SP4: variants seen among roughly 807,000 people sequenced by gnomAD.
SP4 encodes the protein transcription factor Sp4.
Under a neutral mutation model 72.8 loss-of-function variants are expected in SP4, and 19 were observed. That is an observed-to-expected ratio of 0.26 (90% CI 0.18 to 0.38). The LOEUF (loss-of-function observed/expected upper bound fraction) is 0.38. SP4 is among the 10% of genes least tolerant of loss of function. SP4 has a pLI of 1.00. For synonymous variants in SP4, 395 were observed against 333.1 expected (o/e 1.19, Z -2.02); for missense variants, 1,008 against 926.3 (o/e 1.09, Z -1.14).
At chr7:21,478,753 C>T (rs1261522550) in intron 4 of SP4, among the ~76,000 whole-genome samples, 3 of 152,028 alleles carry the variant, frequency 2.0e-5, no homozygotes, top group Non-Finnish European at 4.4e-5. Flanking sequence ...ATACAAATTC[C>T]TTATCAGATA....
At chr7:21,435,506 A>G (rs1261922252) in intron 3 of SP4, among the ~76,000 whole-genome samples, 1 of 152,166 alleles carries the variant, frequency 6.6e-6, no homozygotes, top group Non-Finnish European at 1.5e-5. Flanking sequence ...AAAGGTGGAA[A>G]ATTGGCTTGA....
At chr7:21,510,366 A>G (rs983960776) in intron 5 of SP4, among the ~76,000 whole-genome samples, 9 of 146,824 alleles carry the variant, frequency 6.1e-5, no homozygotes, top group African/African-American at 2.5e-4. Context: ...GTTTTTAGTT[A>G]ACATTAAACT....
chr7:21,504,054 C>T (rs914841462), intron 5 of SP4, among the ~76,000 whole-genome samples: 2 of 152,160 alleles, frequency 1.3e-5, no homozygotes, highest in African/African-American at 4.8e-5. Flanking sequence ...TAAACTGGGG[C>T]CTTAATACTA....
intron 5 of SP4, among the ~76,000 whole-genome samples, chr7:21,497,220 G>T (rs538055012): frequency 2.2e-4 from 33 of 152,212 alleles, no homozygotes; most frequent in Admixed American, 3.3e-4. Flanking sequence ...TTTATAAGTG[G>T]AGTCTTCAGG....
chr7:21,463,926 T>C (rs528759817), intron 3 of SP4, among the ~76,000 whole-genome samples: 1 of 152,314 alleles, frequency 6.6e-6, no homozygotes, highest in Non-Finnish European at 1.5e-5. Context: ...TAAATCTTGA[T>C]CAAGTGTTTC....
intron 3 of SP4, among the ~76,000 whole-genome samples, chr7:21,441,599 T>C (rs1435299406): frequency 6.6e-6 from 1 of 151,946 alleles, no homozygotes; most frequent in Non-Finnish European, 1.5e-5. Context: ...CTTATGAGAG[T>C]GTTTCTTTGT....
At position 21,514,726 on chromosome 7, in the gene SP4, TTGCAAG is replaced by T; in HGVS notation, c.*3459_*3464del. 2 of 152,204 alleles carry T rather than the reference TTGCAAG, an allele frequency of 1.3e-5. No individual in the cohort carries two copies. The highest frequency in any genetic ancestry group is 2.9e-5 in the Non-Finnish European group (2 of 68,038). The allele number at this position is 152,204 out of a possible 1,614,324, so 9.4% of individuals were successfully genotyped here. A position where few individuals can be genotyped will look rare whatever the true frequency, so the allele number is the denominator to read the frequency against. On this transcript the variant is annotated 3_prime_UTR_variant, in exon 6 of 6. Coordinates refer to ENST00000222584, the MANE Select transcript of SP4 (RefSeq NM_003112.5). ...TACAAGTTGTTGCCTGCAATAACAA[TTGCAAG>T]TAACCTATTAAAAATTCCCTTGAGT...
At chr7:21,431,497 G>A (rs1179980727) in intron 3 of SP4, among the ~76,000 whole-genome samples, 1 of 152,118 alleles carries the variant, frequency 6.6e-6, no homozygotes, top group Non-Finnish European at 1.5e-5. Flanking sequence ...TTAAATCATG[G>A]TCATTGTGTG....
chr7:21,461,002 C>T (rs1470715323), intron 3 of SP4, among the ~76,000 whole-genome samples: 1 of 152,138 alleles, frequency 6.6e-6, no homozygotes, highest in Non-Finnish European at 1.5e-5. Context: ...TTGAGCTAGA[C>T]ACAGAGTGCT....
intron 3 of SP4, among the ~76,000 whole-genome samples, chr7:21,457,446 T>G (rs1783802352): frequency 6.6e-6 from 1 of 152,240 alleles, no homozygotes; most frequent in South Asian, 2.1e-4. Flanking sequence ...GCTTAATGAA[T>G]ACTTTACTGA....
chr7:21,435,426 T>C (rs1409070341), intron 3 of SP4, among the ~76,000 whole-genome samples: 1 of 152,208 alleles, frequency 6.6e-6, no homozygotes. Context: ...AAAATTTATA[T>C]TTAATTTTAA....
At chr7:21,440,738 A>G (rs1178056668) in intron 3 of SP4, among the ~76,000 whole-genome samples, 3 of 151,970 alleles carry the variant, frequency 2.0e-5, no homozygotes, top group Non-Finnish European at 4.4e-5. Context: ...AGTCCCATCT[A>G]CTCTGGGAGG....
chr7:21,478,942 C>T (rs915311829), intron 4 of SP4, among the ~76,000 whole-genome samples: 3 of 151,864 alleles, frequency 2.0e-5, no homozygotes, highest in African/African-American at 7.3e-5. Context: ...GTAGCGCATG[C>T]TTGTAATCCC....
At chr7:21,439,033 G>T (rs1783143945) in intron 3 of SP4, among the ~76,000 whole-genome samples, 1 of 152,160 alleles carries the variant, frequency 6.6e-6, no homozygotes, top group African/African-American at 2.4e-5. Context: ...ATGTATGTAT[G>T]TATGAAAAAA....
intron 3 of SP4, among the ~76,000 whole-genome samples, chr7:21,433,198 G>A (rs1192100082): frequency 6.6e-6 from 1 of 152,160 alleles, no homozygotes; most frequent in African/African-American, 2.4e-5. Context: ...CTGCCAATAG[G>A]TGTGGTTATT....
chr7:21,510,975 C>A, intron 5 of SP4, 47 bp from the exon 6 acceptor site: 2 of 1,533,160 alleles, frequency 1.3e-6, no homozygotes, highest in Admixed American at 2.1e-5. Flanking sequence ...ATTATAATTT[C>A]ACTTAAGCAA....
intron 3 of SP4, among the ~76,000 whole-genome samples, chr7:21,458,666 T>C (rs1029672715): frequency 6.6e-6 from 1 of 152,126 alleles, no homozygotes; most frequent in African/African-American, 2.4e-5. Context: ...CCCAAATAAG[T>C]GCTCATACTC....
At chr7:21,508,514 A>G (rs1486782745) in intron 5 of SP4, among the ~76,000 whole-genome samples, 1 of 152,120 alleles carries the variant, frequency 6.6e-6, no homozygotes, top group Non-Finnish European at 1.5e-5. Context: ...TTTTTAGTAG[A>G]GACAGGGTTT....
intron 3 of SP4, among the ~76,000 whole-genome samples, chr7:21,443,333 G>T (rs926325181): frequency 2.0e-5 from 3 of 152,114 alleles, no homozygotes; most frequent in African/African-American, 4.8e-5. Context: ...GTTTACGATC[G>T]TAAAAGGAAA....
Sources: gnomAD v4.1 joint callset for allele counts (sites outside exome capture counted in the v4.1 genomes callset) on GRCh38, gnomAD v4.1.1 for gene constraint, MANE v1.5 for transcripts, NCBI Gene and HGNC (gene_info 2026-07-23, HGNC 2026-07-21) for gene names.